ABL1: variants seen among roughly 807,000 people sequenced by gnomAD.
ABL1 encodes the protein ABL proto-oncogene 1, non-receptor tyrosine kinase.
In ABL1, 11 loss-of-function variants were observed where a neutral mutation model predicts 94.7. That is an observed-to-expected ratio of 0.12 (90% confidence interval 0.07 to 0.19). The LOEUF is 0.19. ABL1 is among the 10% of genes least tolerant of loss of function. The probability of loss-of-function intolerance (pLI) is 1.00; values close to 1 mark genes in which losing one functional copy is unlikely to be tolerated. For synonymous variants in ABL1, 656 were observed against 622.4 expected (o/e 1.05, Z -0.80); for missense variants, 1,082 against 1,489.4 (o/e 0.73, Z 4.50).
rs1831657477 is a variant in ABL1, at chr9:130,730,991, TA to T, written c.136+16537del. On this transcript the variant is annotated intron_variant, in intron 1 of 10. Coordinates refer to the ABL1 transcript ENST00000372348. Reference sequence around the variant, plus strand: ...TTATAGCCATTGTGCGTTTTCACTCTATCTCTCTTTTTTTTTTTTTTTTTTT... The same window carrying T: ...TTATAGCCATTGTGCGTTTTCACTCTTCTCTCTTTTTTTTTTTTTTTTTTT... 2.7e-5 allele frequency among the ~76,000 whole-genome samples: 4 copies of T among 146,730 alleles called. 1 individual carries two copies. The South Asian group carries it at 8.7e-4, about 32-fold the overall frequency.
At chr9:130,761,861 A>G (rs1203966735) in intron 1 of ABL1, among the ~76,000 whole-genome samples, 1 of 152,178 alleles carries the variant, frequency 6.6e-6, no homozygotes. Context: ...GAAAATTCAC[A>G]TCTGGGCTCA....
At chr9:130,796,065 C>T (rs1391638454) in intron 1 of ABL1, among the ~76,000 whole-genome samples, 1 of 151,916 alleles carries the variant, frequency 6.6e-6, no homozygotes, top group Non-Finnish European at 1.5e-5. Context: ...CCCAGCTACT[C>T]GGGAGGCTGA....
chr9:130,851,766 C>CTTTTTTTT (rs149948786), intron 1 of ABL1, among the ~76,000 whole-genome samples: 4 of 122,788 alleles, frequency 3.3e-5, no homozygotes, highest in Non-Finnish European at 3.4e-5. Context: ...CTCTCTTTTT[C>CTTTTTTTT]TTTTTTTTTT....
Position 130,880,624 on chromosome 9 carries a change from C to T in ABL1, c.1638C>T (p.Asp546=), listed in dbSNP as rs148249464. 26 of 1,613,788 alleles carry T rather than the reference C, an allele frequency of 1.6e-5. No homozygotes were observed. The East Asian group carries it at 3.1e-4, about 19-fold the overall frequency. Residue 546 remains aspartate, a synonymous_variant, in exon 10 of 11, where the codon GAC becomes GAT. Transcript: ENST00000318560. The surrounding 1 kb of genome is among the most constrained non-coding windows in gnomAD (Gnocchi z 4.4). ...RRAAEHRDTT[D]VPEMPHSKGQ... ...CTGCAGAGCACAGAGACACCACTGACGTGCCTGAGATGCCTCACTCCAAGG... is the reference window on the plus strand; with the variant it reads ...CTGCAGAGCACAGAGACACCACTGATGTGCCTGAGATGCCTCACTCCAAGG...
At chr9:130,753,276 G>A (rs957266859) in intron 1 of ABL1, among the ~76,000 whole-genome samples, 4 of 152,004 alleles carry the variant, frequency 2.6e-5, no homozygotes, top group Non-Finnish European at 5.9e-5. Flanking sequence ...AACACCCTTG[G>A]TAGCTCCTAC....
Position 130,880,197 on chromosome 9 carries a change from G to A in ABL1, c.1513+40G>A, listed in dbSNP as rs1442248537. The A allele has an allele frequency of 1.9e-6, 3 of 1,591,482 alleles. No homozygotes were observed. Among genetic ancestry groups the A allele is most frequent in the South Asian group, 2.2e-5 (2 of 90,578 alleles). On this transcript the variant is annotated intron_variant, in intron 9 of 10. Transcript: ENST00000318560. This position sits in a 1 kb window ranked among gnomAD's most constrained non-coding sequence, Gnocchi z 4.4. ...CCGGGGTACCTGCAGTGGGGTGAAAGGGCAGCCATGTGGGACTGCAGCCTG... is the reference window on the plus strand; with the variant it reads ...CCGGGGTACCTGCAGTGGGGTGAAAAGGCAGCCATGTGGGACTGCAGCCTG...
At chr9:130,840,717 C>T (rs1193229248) in intron 1 of ABL1, among the ~76,000 whole-genome samples, 2 of 151,870 alleles carry the variant, frequency 1.3e-5, no homozygotes, top group South Asian at 2.1e-4. Flanking sequence ...ATGGGTCTCA[C>T]TATGTCGCCC....
chr9:130,815,918 T>C (rs1396173702), intron 1 of ABL1, among the ~76,000 whole-genome samples: 1 of 152,174 alleles, frequency 6.6e-6, no homozygotes, highest in African/African-American at 2.4e-5. Flanking sequence ...CTTGGGAGGC[T>C]GAGGCAAGAG....
chr9:130,875,937 C>T (rs796915406), intron 7 of ABL1, among the ~76,000 whole-genome samples: 6 of 152,290 alleles, frequency 3.9e-5, no homozygotes, highest in African/African-American at 9.6e-5. Context: ...AAGCGATTCT[C>T]CTGCCTCAGC....
At chr9:130,776,571 T>A (rs1223936043) in intron 1 of ABL1, among the ~76,000 whole-genome samples, 1 of 119,626 alleles carries the variant, frequency 8.4e-6, no homozygotes, top group African/African-American at 3.4e-5. Flanking sequence ...AGTGAGACTC[T>A]ATCTCAAAAA....
chr9:130,810,563 A>G (rs1054313855), intron 1 of ABL1, among the ~76,000 whole-genome samples: 4 of 152,096 alleles, frequency 2.6e-5, no homozygotes, highest in Admixed American at 6.6e-5. Context: ...TGCACAAGTA[A>G]AGATTTGTGA....
chr9:130,737,243 T>G (rs1047389620), intron 1 of ABL1, among the ~76,000 whole-genome samples: 1 of 152,090 alleles, frequency 6.6e-6, no homozygotes, highest in East Asian at 1.9e-4. Context: ...GTTTTCAGTT[T>G]TAAAATTTAA....
chr9:130,873,110 C>T (rs1435624955), intron 6 of ABL1, 73 bp downstream of exon 6: 9 of 1,508,718 alleles, frequency 6.0e-6, no homozygotes, highest in Non-Finnish European at 7.2e-6. Flanking sequence ...TACAAAAAGC[C>T]CCAGCCTAGG....
chr9:130,797,972 C>G (rs1258080979), intron 1 of ABL1, among the ~76,000 whole-genome samples: 1 of 152,084 alleles, frequency 6.6e-6, no homozygotes, highest in Non-Finnish European at 1.5e-5. Context: ...TCTCCCCTTC[C>G]CCTCCTTGAT....
At chr9:130,815,975 G>A (rs1268069546) in intron 1 of ABL1, among the ~76,000 whole-genome samples, 3 of 152,144 alleles carry the variant, frequency 2.0e-5, no homozygotes, top group Non-Finnish European at 2.9e-5. Flanking sequence ...CCAAGACTGC[G>A]CCACTGCACT....
chr9:130,807,668 TTATATATA>T (rs35665086), intron 1 of ABL1, among the ~76,000 whole-genome samples: 15 of 113,288 alleles, frequency 1.3e-4, no homozygotes, highest in East Asian at 5.3e-4. Context: ...TTCCTTAATT[TTATATATA>T]TATATATATA....
chr9:130,826,738 G>T (rs1168454098), intron 1 of ABL1, among the ~76,000 whole-genome samples: 1 of 152,156 alleles, frequency 6.6e-6, no homozygotes, highest in East Asian at 1.9e-4. Context: ...CACAGAGTCA[G>T]ATGACCACCT....
intron 1 of ABL1, among the ~76,000 whole-genome samples, chr9:130,838,510 C>T (rs1260450554): frequency 6.6e-6 from 1 of 152,154 alleles, no homozygotes; most frequent in African/African-American, 2.4e-5. Context: ...ATTTTCCCCA[C>T]CTAGAGGCAA....
At chr9:130,792,937 A>G (rs1427943790) in intron 1 of ABL1, among the ~76,000 whole-genome samples, 3 of 152,122 alleles carry the variant, frequency 2.0e-5, no homozygotes, top group African/African-American at 7.2e-5. Context: ...AATACTTTTT[A>G]TTTTTGAGAT....
Sources: allele counts gnomAD v4.1 joint callset (sites outside exome capture counted in the v4.1 genomes callset), GRCh38; gene constraint gnomAD v4.1.1; non-coding constraint Gnocchi (gnomAD v3.1); transcripts MANE v1.5; gene names NCBI Gene and HGNC (gene_info 2026-07-23, HGNC 2026-07-21).